The following FGF12 variants were observed in gnomAD, a reference collection of about 807,000 sequenced individuals.
FGF12 encodes fibroblast growth factor 12B.
FGF12 carries 14 observed loss-of-function variants against 23.6 expected under a neutral mutation model. The ratio of observed to expected loss-of-function variants is 0.59; its 90% CI spans 0.39 to 0.93. The LOEUF is 0.93. Among genes scored for constraint, FGF12 ranks in the 40% least tolerant of loss-of-function variants. The pLI, the probability that FGF12 is intolerant of heterozygous loss-of-function variation, is 0.00. For synonymous variants in FGF12, 62 were observed against 77.3 expected (o/e 0.80, Z 1.04); for missense variants, 175 against 217.8 (o/e 0.80, Z 1.24).
In FGF12 at chr3:192,647,102, T is replaced by C. The variant is rs112102389; in HGVS notation, c.13+80079A>G. Among the ~76,000 whole-genome samples the C allele has an allele frequency of 5.0e-3, 769 of 152,280 alleles. 8 individuals are homozygous for C. Among genetic ancestry groups the C allele is most frequent in the African/African-American group, 0.018 (730 of 41,566 alleles). On this transcript the variant is annotated intron_variant, in intron 2 of 5. Transcript: ENST00000445105. ...CAGTTTCATAAGATTAATTTTTTAC[T>C]TGGAAAGAAACTGAAAACGCTTTCA...
At chr3:192,339,835 G>C (rs575292851) in intron 3 of FGF12, among the ~76,000 whole-genome samples, 3 of 152,044 alleles carry the variant, frequency 2.0e-5, no homozygotes, top group Non-Finnish European at 4.4e-5. Flanking sequence ...GACTCTTGAG[G>C]GTAGTTGCTG....
intron 4 of FGF12, among the ~76,000 whole-genome samples, chr3:192,194,577 AAAAAT>A (rs1348759321): frequency 6.6e-6 from 1 of 152,180 alleles, no homozygotes; most frequent in East Asian, 1.9e-4. Flanking sequence ...TTGACAACCT[AAAAAT>A]AAAATAGTAT....
chr3:192,496,587 A>C (rs1416625827), intron 2 of FGF12, among the ~76,000 whole-genome samples: 1 of 152,138 alleles, frequency 6.6e-6, no homozygotes, highest in Non-Finnish European at 1.5e-5. Flanking sequence ...ACTTCACTGC[A>C]AAACTCTTAG....
In FGF12 at chr3:192,429,649, T is replaced by G. The variant is rs144783707; in HGVS notation, c.14-69111A>C. On this transcript the variant is annotated intron_variant, in intron 2 of 5. Transcript: ENST00000445105. ...AAGAAAAAAGAAAGCTGGTTAGATA[T>G]TAATGCACTTGTGTTTAAACCACAA... Among the ~76,000 whole-genome samples the G allele has an allele frequency of 2.8e-3, 434 of 152,322 alleles. 4 individuals are homozygous for G. The highest frequency in any genetic ancestry group is 9.8e-3 in the African/African-American group (406 of 41,576).
intron 2 of FGF12, among the ~76,000 whole-genome samples, chr3:192,646,235 T>A (rs575905045): frequency 6.6e-6 from 1 of 151,640 alleles, no homozygotes; most frequent in Admixed American, 6.6e-5. Flanking sequence ...AATCAATCAA[T>A]CATCAGAGTG....
chr3:192,207,485 G>A (rs919972545), intron 4 of FGF12, among the ~76,000 whole-genome samples: 5 of 152,182 alleles, frequency 3.3e-5, no homozygotes, highest in African/African-American at 9.6e-5. Flanking sequence ...TGTTGGACAC[G>A]GAGCGATCCC....
intron 2 of FGF12, among the ~76,000 whole-genome samples, chr3:192,602,719 G>GC (rs368692960): frequency 2.3e-4 from 28 of 119,608 alleles, no homozygotes; most frequent in Non-Finnish European, 3.7e-4. Flanking sequence ...GTGCACAAAG[G>GC]CCCAAAAAAA....
At position 192,514,920 on chromosome 3, in the gene FGF12, G is replaced by C. The variant is rs982744907; in HGVS notation, c.14-154382C>G. On this transcript the variant is annotated intron_variant, in intron 2 of 5. Transcript: ENST00000445105. The surrounding 1 kb of genome is among the most constrained non-coding windows in gnomAD (Gnocchi z 4.9). ...CGGAGGGAGCCCGGGCGCCGGCAGG[G>C]GGCGGGCCGGGACGCGGAAGTGCCG... 8.1e-5 allele frequency: 79 copies of C among 971,644 alleles called. No homozygotes were observed. In the African/African-American group the frequency reaches 1.3e-3, roughly 16 times the overall value. 60.2% of individuals were successfully genotyped at this position (971,644 alleles called of 1,614,324 possible). A position where few individuals can be genotyped will look rare whatever the true frequency, so the allele number is the denominator to read the frequency against.
intron 2 of FGF12, among the ~76,000 whole-genome samples, chr3:192,430,538 T>G (rs1025868535): frequency 6.6e-6 from 1 of 152,246 alleles, no homozygotes; most frequent in Non-Finnish European, 1.5e-5. Flanking sequence ...GAACTGGATC[T>G]TCTTTGAAAC....
intron 2 of FGF12, among the ~76,000 whole-genome samples, chr3:192,603,157 C>A (rs912807185): frequency 3.3e-5 from 5 of 152,086 alleles, no homozygotes; most frequent in African/African-American, 1.2e-4. Context: ...CACTCCTATT[C>A]AATATAGTGC....
chr3:192,203,234 C>G (rs1191446422), intron 4 of FGF12, among the ~76,000 whole-genome samples: 1 of 151,448 alleles, frequency 6.6e-6, no homozygotes, highest in Admixed American at 6.6e-5. Context: ...TATTTTCTTT[C>G]CTTATAAGTT....
chr3:192,170,450 T>C lies in FGF12; in HGVS notation c.427+8A>G. The C allele has an allele frequency of 6.2e-7, 1 of 1,612,800 alleles. No homozygotes were observed. Among genetic ancestry groups the C allele is most frequent in the South Asian group, 1.1e-5 (1 of 90,950 alleles). On this transcript the variant is annotated splice_region_variant and intron_variant, in intron 5 of 5. Coordinates refer to ENST00000445105, the MANE Select transcript of FGF12 (RefSeq NM_004113.6). ...GGGTCCAACAAAGACAGTCAGTTGG[T>C]TTCATACCTTCAATAGGTTTCGGTA... is the stretch of plus-strand genomic sequence containing the variant.
At chr3:192,155,564 AAATT>A (rs1343730774) in intron 5 of FGF12, among the ~76,000 whole-genome samples, 1 of 152,226 alleles carries the variant, frequency 6.6e-6, no homozygotes, top group African/African-American at 2.4e-5. Flanking sequence ...AACAAAAAAT[AAATT>A]AAGAATTACT....
intron 4 of FGF12, among the ~76,000 whole-genome samples, chr3:192,281,002 A>G (rs1714110142): frequency 6.6e-6 from 1 of 152,126 alleles, no homozygotes; most frequent in Non-Finnish European, 1.5e-5. Context: ...ACTACACTGA[A>G]TGATGGGGCC....
At chr3:192,639,250 G>T (rs1433255196) in intron 2 of FGF12, among the ~76,000 whole-genome samples, 1 of 152,104 alleles carries the variant, frequency 6.6e-6, no homozygotes, top group Non-Finnish European at 1.5e-5. Flanking sequence ...ACCACAATGA[G>T]ATATCACCTC....
At chr3:192,365,056 G>A (rs939628718) in intron 2 of FGF12, among the ~76,000 whole-genome samples, 29 of 151,984 alleles carry the variant, frequency 1.9e-4, no homozygotes, top group African/African-American at 2.2e-4. Context: ...ACAAATGCCC[G>A]TTAAATAATG....
intron 4 of FGF12, among the ~76,000 whole-genome samples, chr3:192,209,308 A>C (rs552377655): frequency 8.5e-5 from 13 of 152,292 alleles, no homozygotes; most frequent in African/African-American, 3.1e-4. Context: ...ATCTTGAATC[A>C]AGAGGTGATG....
intron 2 of FGF12, among the ~76,000 whole-genome samples, chr3:192,701,085 T>G (rs748386506): frequency 2.6e-5 from 4 of 152,220 alleles, no homozygotes; most frequent in African/African-American, 4.8e-5. Flanking sequence ...AGATGCCTGG[T>G]ACCTGGAGGT....
At chr3:192,583,435 G>C (rs747046600) in intron 2 of FGF12, among the ~76,000 whole-genome samples, 1 of 152,200 alleles carries the variant, frequency 6.6e-6, no homozygotes, top group Non-Finnish European at 1.5e-5. Context: ...GGCAGTGAGA[G>C]TGAACCTATC....
Sources: gnomAD v4.1 joint callset for allele counts (sites outside exome capture counted in the v4.1 genomes callset) on GRCh38, gnomAD v4.1.1 for gene constraint, Gnocchi (gnomAD v3.1) non-coding constraint, MANE v1.5 for transcripts, NCBI Gene and HGNC (gene_info 2026-07-23, HGNC 2026-07-21) for gene names.